WDR88: variants seen among roughly 807,000 people sequenced by gnomAD.
The protein encoded by WDR88 is WD repeat-containing protein 88.
A neutral mutation model predicts 46.8 loss-of-function variants in WDR88; 40 were observed. That is an observed-to-expected ratio of 0.86 (90% CI 0.66 to 1.11). The LOEUF (loss-of-function observed/expected upper bound fraction) is 1.11. Among genes scored for constraint, WDR88 ranks in the 50% most tolerant of loss-of-function variants. The pLI, the probability that WDR88 is intolerant of heterozygous loss-of-function variation, is 0.00. For missense variants in WDR88, 562 were observed against 602.4 expected (o/e 0.93, Z 0.70); for synonymous variants, 235 against 240.7 (o/e 0.98, Z 0.22).
intron 1 of WDR88, among the ~76,000 whole-genome samples, chr19:33,134,843 C>CT (rs1973222609): frequency 1.5e-5 from 2 of 130,682 alleles, no homozygotes; most frequent in Non-Finnish European, 1.7e-5. Context: ...CCCCGACACC[C>CT]CCCCCCCCGC....
chr19:33,175,450 A>G lies in WDR88; in HGVS notation c.1297A>G (p.Met433Val), dbSNP rs570267559. Residue 433 changes from methionine (M) to valine (V), a missense_variant, in exon 11 of 11, where the codon ATG (methionine) becomes GTG (valine). Met to Val is a conservative substitution (Grantham distance 21). Transcript: ENST00000355868. ...CTTCAAGAGTGACACCTCTTCTGAA[A>G]TGTTCACCCAATGCGTGTTCTGCCG... is the stretch of plus-strand genomic sequence containing the variant. ...SIFKSDTSSE[M>V]FTQCVFCRID... 1.3e-4 allele frequency: 213 copies of G among 1,614,182 alleles called. 3 individuals are homozygous for G. In the South Asian group the frequency reaches 2.3e-3, roughly 17 times the overall value.
intron 9 of WDR88, among the ~76,000 whole-genome samples, chr19:33,171,848 A>G (rs1974044395): frequency 6.6e-6 from 1 of 152,086 alleles, no homozygotes; most frequent in African/African-American, 2.4e-5. Flanking sequence ...ATCTTGGCTC[A>G]CTGCAACCTC....
intron 1 of WDR88, among the ~76,000 whole-genome samples, chr19:33,135,314 C>T (rs767364599): frequency 1.1e-4 from 17 of 152,190 alleles, no homozygotes; most frequent in Admixed American, 4.6e-4. Flanking sequence ...TTGTGACTGG[C>T]TTCATTTCCT....
intron 9 of WDR88, among the ~76,000 whole-genome samples, chr19:33,171,234 C>G (rs1974034218): frequency 6.6e-6 from 1 of 152,182 alleles, no homozygotes; most frequent in Non-Finnish European, 1.5e-5. Flanking sequence ...GATCCGCCTG[C>G]CTTGGCCTCT....
chr19:33,167,747 TTCTCTCCTCTCCTCC>T (rs1344319645), intron 9 of WDR88, among the ~76,000 whole-genome samples: 2 of 151,104 alleles, frequency 1.3e-5, no homozygotes, highest in East Asian at 1.9e-4. Flanking sequence ...CTCTTTTCTC[TTCTCTCCTCTCCTCC>T]TCTCTCCTCT....
In WDR88 at chr19:33,160,800, T is replaced by G. The variant is rs78079025; in HGVS notation, c.1080+304T>G. Among the ~76,000 whole-genome samples, 1,293 of 152,184 alleles carry G rather than the reference T, an allele frequency of 8.5e-3. 13 individuals are homozygous for G. The highest frequency in any genetic ancestry group is 0.03 in the African/African-American group (1,249 of 41,506). On this transcript the variant is annotated intron_variant, in intron 8 of 10. Transcript: ENST00000355868. ...GAAAGGACTACATAAGTGGGGATCT[T>G]GAAGAAGAAGGGCAGTCCAGGCAGA...
Position 33,153,813 on chromosome 19 carries a change from A to G in WDR88, c.809+2503A>G, listed in dbSNP as rs1453246941. Among the ~76,000 whole-genome samples, 3 of 152,076 alleles carry G rather than the reference A, an allele frequency of 2.0e-5. No homozygotes were observed. In the East Asian group the frequency reaches 5.8e-4, roughly 29 times the overall value. On this transcript the variant is annotated intron_variant, in intron 6 of 10. Coordinates refer to ENST00000355868, the MANE Select transcript of WDR88 (RefSeq NM_173479.4). ...TGGCCACACTGTGGTTTTCATTTAC[A>G]CTGTCATTCATATTGTTTTTCTCCT...
chr19:33,139,834 C>A (rs912672587), intron 2 of WDR88, among the ~76,000 whole-genome samples: 1 of 151,910 alleles, frequency 6.6e-6, no homozygotes, highest in Non-Finnish European at 1.5e-5. Context: ...ACACACACAG[C>A]CACAAGATAT....
Position 33,175,499 on chromosome 19 carries a change from C to A in WDR88, c.1346C>A (p.Ala449Glu). ...CGGATAGATACAAGGGGCTTGCCAG[C>A]AGATACTTCATCGTCATCATCATCA... The part of the protein sequence containing the change: ...FCRIDTRGLP[A>E]DTSSSSSSSE... Residue 449 changes from alanine to glutamate, a missense_variant, in exon 11 of 11, where the codon GCA becomes GAA. Transcript: ENST00000355868. 1.2e-6 allele frequency: 2 copies of A among 1,614,216 alleles called. No individual in the cohort carries two copies. The highest frequency in any genetic ancestry group is 1.7e-6 in the Non-Finnish European group (2 of 1,180,050).
At chr19:33,133,192 TAA>T (rs1287343371) in intron 1 of WDR88, among the ~76,000 whole-genome samples, 376 of 37,114 alleles carry the variant, frequency 0.01, 3 homozygotes, top group African/African-American at 0.018. Context: ...AATAAATAAA[TAA>T]ATATAGAGAG....
At chr19:33,170,883 G>GA (rs1174593680) in intron 9 of WDR88, among the ~76,000 whole-genome samples, 2 of 152,018 alleles carry the variant, frequency 1.3e-5, no homozygotes, top group African/African-American at 2.4e-5. Context: ...AAAAAAGAAA[G>GA]AAAAAATCTC....
intron 10 of WDR88, among the ~76,000 whole-genome samples, chr19:33,173,621 G>A (rs1473645387): frequency 2.0e-5 from 3 of 152,250 alleles, no homozygotes; most frequent in African/African-American, 7.2e-5. Context: ...TTTGGGAGCC[G>A]CACTGCAAGG....
At chr19:33,155,827 G>A (rs922125526) in intron 6 of WDR88, among the ~76,000 whole-genome samples, 2 of 152,244 alleles carry the variant, frequency 1.3e-5, no homozygotes, top group African/African-American at 4.8e-5. Context: ...AACTGGGTGT[G>A]GGGGTTCCTG....
At chr19:33,141,956 C>G (rs574920758) in intron 2 of WDR88, among the ~76,000 whole-genome samples, 1 of 152,180 alleles carries the variant, frequency 6.6e-6, no homozygotes, top group African/African-American at 2.4e-5. Context: ...GCTGGGATTA[C>G]AGGCATGAGC....
At chr19:33,137,313 G>T (rs1973289545) in intron 1 of WDR88, among the ~76,000 whole-genome samples, 1 of 150,340 alleles carries the variant, frequency 6.7e-6, no homozygotes, top group Admixed American at 6.6e-5. Flanking sequence ...GAGTGCAGTG[G>T]TGCAATCTTG....
At chr19:33,172,136 T>G (rs995887418) in intron 9 of WDR88, among the ~76,000 whole-genome samples, 3 of 152,186 alleles carry the variant, frequency 2.0e-5, no homozygotes, top group African/African-American at 4.8e-5. Flanking sequence ...TCTATTTATA[T>G]TCTTCAGTTT....
At chr19:33,133,533 CA>C (rs1348890942) in intron 1 of WDR88, among the ~76,000 whole-genome samples, 1 of 152,160 alleles carries the variant, frequency 6.6e-6, no homozygotes, top group Non-Finnish European at 1.5e-5. Flanking sequence ...CAAAACAAAA[CA>C]AAAACCCAAT....
At chr19:33,136,350 T>C (rs10401368) in intron 1 of WDR88, among the ~76,000 whole-genome samples, 80,798 of 151,472 alleles carry the variant, frequency 0.53, 23,680 homozygotes, top group African/African-American at 0.76. Flanking sequence ...CCACCGTGCC[T>C]GGCCTAATTT....
At chr19:33,157,717 A>AAT (rs1226543695) in intron 7 of WDR88, among the ~76,000 whole-genome samples, 1 of 87,564 alleles carries the variant, frequency 1.1e-5, no homozygotes, top group African/African-American at 1.0e-4. Context: ...ATATATATAT[A>AAT]TATATATATA....
Sources: allele counts gnomAD v4.1 joint callset (sites outside exome capture counted in the v4.1 genomes callset), GRCh38; gene constraint gnomAD v4.1.1; transcripts MANE v1.5; gene names NCBI Gene and HGNC (gene_info 2026-07-23, HGNC 2026-07-21).